TRPV3: variants seen among roughly 807,000 people sequenced by gnomAD.
TRPV3 encodes transient receptor potential cation channel subfamily V member 3.
TRPV3 carries 88 observed loss-of-function variants against 87.1 expected under a neutral mutation model. The ratio of observed to expected loss-of-function variants is 1.01; its 90% CI spans 0.85 to 1.21. The LOEUF (loss-of-function observed/expected upper bound fraction) is 1.21. TRPV3 is among the 50% of genes most tolerant of loss of function. The pLI, the probability that TRPV3 is intolerant of heterozygous loss-of-function variation, is 0.00. For missense variants in TRPV3, 1,054 were observed against 1,030.1 expected, an observed-to-expected ratio of 1.02 and a Z score of -0.32; for synonymous variants, 438 against 423.3, an observed-to-expected ratio of 1.03 and a Z score of -0.43.
At chr17:3,535,251 TA>T (rs199970232) in intron 7 of TRPV3, among the ~76,000 whole-genome samples, 15 of 53,930 alleles carry the variant, frequency 2.8e-4, no homozygotes, top group Admixed American at 1.1e-3. Flanking sequence ...TCCCCCTCCT[TA>T]CTCCTCCTCC....
At chr17:3,546,075 G>T (rs1358863436) in intron 2 of TRPV3, among the ~76,000 whole-genome samples, 1 of 151,972 alleles carries the variant, frequency 6.6e-6, no homozygotes, top group Non-Finnish European at 1.5e-5. Context: ...AGCACGTGTT[G>T]CACGTGAAAA....
intron 6 of TRPV3, among the ~76,000 whole-genome samples, chr17:3,540,940 T>C (rs2074453645): frequency 6.6e-6 from 1 of 152,246 alleles, no homozygotes; most frequent in East Asian, 1.9e-4. Context: ...TCTTCTAGTT[T>C]GTCACAATCC....
chr17:3,551,331 T>C (rs1328866990), intron 2 of TRPV3, among the ~76,000 whole-genome samples: 1 of 152,222 alleles, frequency 6.6e-6, no homozygotes, highest in Admixed American at 6.5e-5. Context: ...CCCGCCCTAC[T>C]GGTCACTGCA....
At chr17:3,519,838 ATGGATGGATGAC>A (rs1410249430) in intron 14 of TRPV3, among the ~76,000 whole-genome samples, 21 of 128,724 alleles carry the variant, frequency 1.6e-4, no homozygotes, top group African/African-American at 5.1e-4. Flanking sequence ...AAATGGATGA[ATGGATGGATGAC>A]TGGATGGATG....
At chr17:3,520,615 C>G (rs1229568781) in intron 14 of TRPV3, among the ~76,000 whole-genome samples, 1 of 152,100 alleles carries the variant, frequency 6.6e-6, no homozygotes, top group Admixed American at 6.6e-5. Context: ...CCTCAGTTAC[C>G]TTATGATCGG....
chr17:3,514,442 A>T, intron 17 of TRPV3, 151 bp downstream of exon 17: 1 of 632,490 alleles, frequency 1.6e-6, no homozygotes, highest in Non-Finnish European at 2.8e-6. Context: ...CTAGGGTTCT[A>T]AAAGTCAGAG....
chr17:3,524,867 C>T (rs1300514623), intron 12 of TRPV3, among the ~76,000 whole-genome samples: 1 of 151,832 alleles, frequency 6.6e-6, no homozygotes, highest in Non-Finnish European at 1.5e-5. Context: ...ATTTCTGACT[C>T]CTGCATCGAT....
chr17:3,524,438 A>C, intron 12 of TRPV3, 75 bp from the exon 13 acceptor site: 1 of 1,566,980 alleles, frequency 6.4e-7, no homozygotes, highest in Non-Finnish European at 8.7e-7. Context: ...AATCCCCCAA[A>C]CCTCCCTTAA....
rs779995309 is a variant in TRPV3, at chr17:3,530,036, G to A, written c.1233C>T (p.Thr411=). The A allele has an allele frequency of 1.2e-6, 2 of 1,612,438 alleles. No homozygotes were observed. The highest frequency in any genetic ancestry group is 2.7e-5 in the African/African-American group (2 of 74,914). The change falls in exon 9 of 18, where the codon ACC becomes ACT. Residue 411 remains threonine (T), a synonymous_variant. Transcript: ENST00000576742. The surrounding 1 kb of genome is among the most constrained non-coding windows in gnomAD (Gnocchi z 4.0). ...TGTGCAGGAGACCCACGTCGATGTT[G>A]GTGTTGTAGACAGTGATTTCCAGCA... ...NSVLEITVYN[T]NIDNRHEMLT... is the part of the protein sequence containing the mutation.
chr17:3,521,981 C>T (rs1229747099), intron 13 of TRPV3, among the ~76,000 whole-genome samples: 1 of 152,136 alleles, frequency 6.6e-6, no homozygotes, highest in East Asian at 1.9e-4. Flanking sequence ...GAGGCTGAGG[C>T]GGGAGAATTG....
At chr17:3,519,245 T>G (rs7207628) in intron 14 of TRPV3, among the ~76,000 whole-genome samples, 89,133 of 152,084 alleles carry the variant, frequency 0.59, 26,949 homozygotes, top group East Asian at 0.95. Flanking sequence ...ATGCTCTGTT[T>G]TGAGTTCCCT....
Position 3,532,877 on chromosome 17 carries a change from A to G in TRPV3, c.845T>C (p.Met282Thr). 6.2e-7 allele frequency: 1 copy of G among 1,614,206 alleles called. No homozygotes were observed. Among genetic ancestry groups the G allele is most frequent in the Non-Finnish European group, 8.5e-7 (1 of 1,180,036 alleles). The change falls in exon 8 of 18, where the codon ATG (methionine) becomes ACG (threonine). Residue 282 changes from methionine (M) to threonine (T), a missense_variant. Transcript: ENST00000576742. ...GGTGATGTCCGTCTGCTCGTGCTCCATCAGCAGCTGCACAATCTCGGGCTG... is the reference window on the plus strand; with the variant it reads ...GGTGATGTCCGTCTGCTCGTGCTCCGTCAGCAGCTGCACAATCTCGGGCTG... ...TNQPEIVQLLMEHEQTDITSR... is the reference protein window; with the variant it reads ...TNQPEIVQLLTEHEQTDITSR...
In TRPV3 at chr17:3,528,812, T is replaced by C. The variant is rs964251457; in HGVS notation, c.1401+25A>G. On this transcript the variant is annotated intron_variant, in intron 10 of 17. Transcript: ENST00000576742. The surrounding 1 kb of genome is among the most constrained non-coding windows in gnomAD (Gnocchi z 4.2). ...CCCCTCCAGCTCTGACGGCCCCATT[T>C]TCCCCCTCCAAGGGGCCCACGTACC... is the stretch of plus-strand genomic sequence containing the variant. 6.2e-7 allele frequency: 1 copy of C among 1,613,372 alleles called. No homozygotes were observed. The highest frequency in any genetic ancestry group is 2.2e-5 in the East Asian group (1 of 44,856).
At chr17:3,531,507 A>G (rs1160872355) in intron 8 of TRPV3, among the ~76,000 whole-genome samples, 1 of 152,132 alleles carries the variant, frequency 6.6e-6, no homozygotes, top group Non-Finnish European at 1.5e-5. Context: ...GGAACAGAGG[A>G]GGGAAGCGGG....
chr17:3,535,354 T>C (rs1328576853), intron 7 of TRPV3, among the ~76,000 whole-genome samples: 1 of 96,054 alleles, frequency 1.0e-5, no homozygotes, highest in African/African-American at 4.2e-5. Context: ...CTCCCTTCCT[T>C]CCTCCCTCAT....
At chr17:3,534,607 C>T (rs997783607) in intron 7 of TRPV3, among the ~76,000 whole-genome samples, 1 of 151,788 alleles carries the variant, frequency 6.6e-6, no homozygotes, top group Non-Finnish European at 1.5e-5. Flanking sequence ...TCCTCTAACA[C>T]GGGTGACTTT....
In TRPV3 at chr17:3,518,436, C is replaced by T; in HGVS notation, c.2085+140G>A. 1 of 1,039,428 alleles carries T rather than the reference C, an allele frequency of 9.6e-7. No homozygotes were observed. The highest frequency in any genetic ancestry group is 1.7e-5 in the South Asian group (1 of 59,002). The allele number at this position is 1,039,428 out of a possible 1,614,324, so 64.4% of individuals were successfully genotyped here. The stretch of plus-strand genomic sequence containing the variant: ...CAAAGAACCTAGGCTAAGGCCTCCT[C>T]AAACCTGGCCACACACTGAGGAGCT... On this transcript the variant is annotated intron_variant, in intron 15 of 17. Coordinates refer to ENST00000576742, the MANE Select transcript of TRPV3 (RefSeq NM_145068.4). The surrounding 1 kb of genome is among the most constrained non-coding windows in gnomAD (Gnocchi z 4.3).
rs188455894 is a variant in TRPV3, at chr17:3,513,859, G to C, written c.*58C>G. The stretch of plus-strand genomic sequence containing the variant: ...CCTCAAAGCCTCTCTGCACAGAGTC[G>C]GTGACTCCGCCTGCAGCGCCAGACA... On this transcript the variant is annotated 3_prime_UTR_variant, in exon 18 of 18. Coordinates refer to ENST00000576742, the MANE Select transcript of TRPV3 (RefSeq NM_145068.4). 1.2e-4 allele frequency: 179 copies of C among 1,454,690 alleles called. 2 individuals are homozygous for C. The South Asian group carries it at 1.4e-3, about 11-fold the overall frequency. The allele number at this position is 1,454,690 out of a possible 1,614,324, so 90.1% of individuals were successfully genotyped here. A position where few individuals can be genotyped will look rare whatever the true frequency, so the allele number is the denominator to read the frequency against.
At chr17:3,540,957 T>A (rs895783142) in intron 6 of TRPV3, among the ~76,000 whole-genome samples, 3 of 152,248 alleles carry the variant, frequency 2.0e-5, no homozygotes, top group East Asian at 1.9e-4. Context: ...ATCCTTGACT[T>A]CTTCTTATAT....
Sources: allele counts gnomAD v4.1 joint callset (sites outside exome capture counted in the v4.1 genomes callset), GRCh38; gene constraint gnomAD v4.1.1; non-coding constraint Gnocchi (gnomAD v3.1); transcripts MANE v1.5; gene names NCBI Gene and HGNC (gene_info 2026-07-23, HGNC 2026-07-21).